TUBGCP3: variants seen among roughly 807,000 people sequenced by gnomAD.
TUBGCP3 encodes the protein gamma-tubulin complex component 3.
In TUBGCP3, 50 loss-of-function variants were observed where a neutral mutation model predicts 123.1. That is an observed-to-expected ratio of 0.41 (90% CI 0.32 to 0.51). The LOEUF (loss-of-function observed/expected upper bound fraction) is 0.51, where lower values mean the gene tolerates loss of function less well. Among genes scored for constraint, TUBGCP3 ranks in the 20% least tolerant of loss-of-function variants. The pLI is 0.36. For synonymous variants in TUBGCP3, 405 were observed against 413.9 expected, an observed-to-expected ratio of 0.98 and a Z score of 0.26; for missense variants, 882 against 1,127.0, an observed-to-expected ratio of 0.78 and a Z score of 3.11.
At chr13:112,526,430 C>T (rs556515173) in intron 13 of TUBGCP3, among the ~76,000 whole-genome samples, 452 of 135,772 alleles carry the variant, frequency 3.3e-3, no homozygotes, top group Middle Eastern at 0.011. Flanking sequence ...ACTGCCGCTA[C>T]CACGCCATCA....
intron 19 of TUBGCP3, among the ~76,000 whole-genome samples, chr13:112,501,572 G>A (rs574337718): frequency 2.6e-5 from 4 of 152,246 alleles, no homozygotes; most frequent in African/African-American, 7.2e-5. Context: ...TATCAGAACC[G>A]CCTTGGTTTT....
At chr13:112,510,006 A>G (rs1002237289) in intron 17 of TUBGCP3, among the ~76,000 whole-genome samples, 2 of 152,182 alleles carry the variant, frequency 1.3e-5, no homozygotes, top group African/African-American at 4.8e-5. Flanking sequence ...AAGTAACTAT[A>G]TAATTATAAG....
chr13:112,520,617 C>G (rs1876541421), intron 14 of TUBGCP3, among the ~76,000 whole-genome samples: 1 of 152,176 alleles, frequency 6.6e-6, no homozygotes, highest in Non-Finnish European at 1.5e-5. Context: ...AGTTTTCAAA[C>G]TTCAGACTGG....
intron 17 of TUBGCP3, among the ~76,000 whole-genome samples, chr13:112,514,347 T>C (rs1417450930): frequency 6.6e-6 from 1 of 151,910 alleles, no homozygotes; most frequent in African/African-American, 2.4e-5. Flanking sequence ...TACTATATAA[T>C]ACAGCAAAAC....
chr13:112,530,047 A>G (rs1381311577), intron 11 of TUBGCP3, among the ~76,000 whole-genome samples: 2 of 152,276 alleles, frequency 1.3e-5, no homozygotes, highest in East Asian at 3.9e-4. Context: ...GGTTACTAAC[A>G]CTTTTTAAGA....
chr13:112,594,290 G>T, the TUBGCP3 span, among the ~76,000 whole-genome samples: 1 of 152,208 alleles, frequency 6.6e-6, no homozygotes, highest in East Asian at 1.9e-4. Context: ...ACCAAGTGGG[G>T]TTTATCTGAG....
intron 1 of TUBGCP3, among the ~76,000 whole-genome samples, chr13:112,570,753 G>C (rs2139282249): frequency 6.6e-6 from 1 of 152,304 alleles, no homozygotes; most frequent in African/African-American, 2.4e-5. Context: ...GATGTTGTTT[G>C]ATAGCATTTT....
rs749037347 is a variant in TUBGCP3, at chr13:112,485,160, T to C, written c.*833A>G. Reference sequence around the variant, plus strand: ...TATATAAATATTTACAATGAAAAAATAGGCAAGGAAAAAGGAAATCTTCAT... The same window carrying C: ...TATATAAATATTTACAATGAAAAAACAGGCAAGGAAAAAGGAAATCTTCAT... On this transcript the variant is annotated 3_prime_UTR_variant, in exon 22 of 22. Transcript: ENST00000261965. 1 of 151,514 alleles carries C rather than the reference T, an allele frequency of 6.6e-6. No homozygotes were observed. Among genetic ancestry groups the C allele is most frequent in the African/African-American group, 2.4e-5 (1 of 41,024 alleles). 9.4% of individuals were successfully genotyped at this position (151,514 alleles called of 1,614,324 possible).
intron 21 of TUBGCP3, among the ~76,000 whole-genome samples, chr13:112,486,904 C>G (rs138902048): frequency 2.6e-3 from 401 of 152,360 alleles, no homozygotes; most frequent in African/African-American, 9.0e-3. Context: ...TGCGTCCTCA[C>G]CAAGCCCCGC....
chr13:112,561,757 G>C (rs931259376), intron 3 of TUBGCP3, among the ~76,000 whole-genome samples: 1 of 152,208 alleles, frequency 6.6e-6, no homozygotes, highest in Non-Finnish European at 1.5e-5. Context: ...TGAAGGGAAA[G>C]ACGGCAGGAA....
intron 11 of TUBGCP3, among the ~76,000 whole-genome samples, chr13:112,531,105 T>C (rs1321702398): frequency 6.6e-6 from 1 of 152,158 alleles, no homozygotes; most frequent in African/African-American, 2.4e-5. Context: ...GAGTAAGTAT[T>C]TCAGGAAACA....
intron 3 of TUBGCP3, among the ~76,000 whole-genome samples, chr13:112,562,665 T>C (rs1343292876): frequency 6.6e-6 from 1 of 152,010 alleles, no homozygotes; most frequent in East Asian, 1.9e-4. Context: ...GGAAACCAGA[T>C]CATTCCCACC....
rs570494936 is a variant in TUBGCP3 at position 112,520,516 on chromosome 13, C to T, written c.1746-495G>A. Among the ~76,000 whole-genome samples, 5 of 151,546 alleles carry T rather than the reference C, an allele frequency of 3.3e-5. No homozygotes were observed. The East Asian group carries it at 5.8e-4, about 18-fold the overall frequency. On this transcript the variant is annotated intron_variant, in intron 14 of 21. Transcript: ENST00000261965. ...TACACTGCCTGGGTGACAGACAGAG[C>T]GAGACTCCATCTCAAAAAAAAGAAA... is the stretch of plus-strand genomic sequence containing the variant.
At chr13:112,549,039 T>C (rs1879311445) in intron 8 of TUBGCP3, among the ~76,000 whole-genome samples, 3 of 152,324 alleles carry the variant, frequency 2.0e-5, no homozygotes, top group South Asian at 4.1e-4. Context: ...TGCACACGTA[T>C]GTTTACTGCA....
chr13:112,576,044 C>A (rs1234973605), intron 1 of TUBGCP3, among the ~76,000 whole-genome samples: 2 of 152,222 alleles, frequency 1.3e-5, no homozygotes, highest in East Asian at 3.8e-4. Flanking sequence ...AGGAAAATTA[C>A]GTACGTGCCT....
At chr13:112,541,412 C>T (rs773098860) in intron 11 of TUBGCP3, among the ~76,000 whole-genome samples, 4 of 152,052 alleles carry the variant, frequency 2.6e-5, no homozygotes, top group South Asian at 2.1e-4. Context: ...CGAGGTGGCA[C>T]GTGCCTGTAA....
chr13:112,537,840 C>CT (rs1335772403), intron 11 of TUBGCP3, among the ~76,000 whole-genome samples: 1 of 152,144 alleles, frequency 6.6e-6, no homozygotes, highest in East Asian at 1.9e-4. Context: ...TTCAGGTTTT[C>CT]TATTTCTTTG....
intron 19 of TUBGCP3, among the ~76,000 whole-genome samples, chr13:112,500,865 C>T (rs923108397): frequency 1.3e-5 from 2 of 152,224 alleles, no homozygotes; most frequent in Non-Finnish European, 2.9e-5. Flanking sequence ...GGCGATGCTT[C>T]GGTTCAAAAT....
rs78712927 is a variant in TUBGCP3 at position 112,581,197 on chromosome 13, C to G, written c.76+6708G>C. 9.3e-3 allele frequency among the ~76,000 whole-genome samples: 1,416 copies of G among 152,260 alleles called. 22 individuals carry two copies. The highest frequency in any genetic ancestry group is 0.032 in the African/African-American group (1,336 of 41,536). ...ACATCCTCTAAGGACTCACACCCCCCCATCTTTCTGTCCCTATTCTAGCTA... is the reference window on the plus strand; with the variant it reads ...ACATCCTCTAAGGACTCACACCCCCGCATCTTTCTGTCCCTATTCTAGCTA... On this transcript the variant is annotated intron_variant, in intron 1 of 21. Transcript: ENST00000261965.
Sources: allele counts gnomAD v4.1 joint callset (sites outside exome capture counted in the v4.1 genomes callset), GRCh38; gene constraint gnomAD v4.1.1; transcripts MANE v1.5; gene names NCBI Gene and HGNC (gene_info 2026-07-23, HGNC 2026-07-21).